SKAP1: variants seen among roughly 807,000 people sequenced by gnomAD.
The protein encoded by SKAP1 is src kinase-associated phosphoprotein 1.
In SKAP1, 44 loss-of-function variants were observed where a neutral mutation model predicts 58.5. That is an observed-to-expected ratio of 0.75 (90% CI 0.59 to 0.97). SKAP1 has a LOEUF of 0.97. Ranked by LOEUF, SKAP1 falls within the 50% of genes least tolerant of loss-of-function variation. SKAP1 has a pLI of 0.00. For missense variants in SKAP1, 390 were observed against 435.2 expected, an observed-to-expected ratio of 0.90 and a Z score of 0.92; for synonymous variants, 127 against 149.7, an observed-to-expected ratio of 0.85 and a Z score of 1.11.
chr17:48,372,700 G>A (rs187099313), intron 2 of SKAP1, among the ~76,000 whole-genome samples: 1 of 152,134 alleles, frequency 6.6e-6, no homozygotes, highest in African/African-American at 2.4e-5. Flanking sequence ...GAATGCAGTG[G>A]TGCAATCATA....
Position 48,290,625 on chromosome 17 carries a change from C to T in SKAP1, c.280+55280G>A, listed in dbSNP as rs1237796366. ...TTTATTTCTCACATAGTTTACATTA[C>T]ATCATGTCATTTCATTTATTGCCCC... On this transcript the variant is annotated intron_variant, in intron 4 of 12. Coordinates refer to ENST00000336915, the MANE Select transcript of SKAP1 (RefSeq NM_003726.4). 2.0e-5 allele frequency among the ~76,000 whole-genome samples: 3 copies of T among 147,518 alleles called. No homozygotes were observed. In the East Asian group the frequency reaches 5.8e-4, roughly 29 times the overall value.
intron 4 of SKAP1, among the ~76,000 whole-genome samples, chr17:48,253,010 A>G (rs35441072): frequency 0.028 from 4,231 of 152,208 alleles, 222 homozygotes; most frequent in African/African-American, 0.097. Context: ...CCACAGATTG[A>G]GTGACATCAT....
At chr17:48,141,063 A>C (rs1478231508) in intron 11 of SKAP1, among the ~76,000 whole-genome samples, 2 of 152,088 alleles carry the variant, frequency 1.3e-5, no homozygotes, top group Non-Finnish European at 2.9e-5. Flanking sequence ...CTGGGATTAC[A>C]GGTGTGAGCC....
intron 3 of SKAP1, among the ~76,000 whole-genome samples, chr17:48,352,960 T>C (rs2066821203): frequency 6.6e-6 from 1 of 152,186 alleles, no homozygotes; most frequent in African/African-American, 2.4e-5. Context: ...GTTGACTTTA[T>C]GGTATATACT....
At chr17:48,351,206 C>G (rs7224686) in intron 3 of SKAP1, among the ~76,000 whole-genome samples, 1 of 152,014 alleles carries the variant, frequency 6.6e-6, no homozygotes, top group Non-Finnish European at 1.5e-5. Context: ...ATTTGCTGCA[C>G]CAAAACTAAA....
rs568377784 is a variant in SKAP1 at position 48,270,909 on chromosome 17, T to C, written c.280+74996A>G. On this transcript the variant is annotated intron_variant, in intron 4 of 12. Transcript: ENST00000336915. ...GGAATTCAATTTTTGTACAAATGAATTTGGAAGTGCTTTTAAAGGTAGTGC... is the reference window on the plus strand; with the variant it reads ...GGAATTCAATTTTTGTACAAATGAACTTGGAAGTGCTTTTAAAGGTAGTGC... Among the ~76,000 whole-genome samples the C allele has an allele frequency of 3.4e-4, 51 of 151,104 alleles. 1 individual carries two copies. The South Asian group carries it at 0.011, about 32-fold the overall frequency.
chr17:48,290,458 G>C (rs890868187), intron 4 of SKAP1, among the ~76,000 whole-genome samples: 8 of 152,180 alleles, frequency 5.3e-5, no homozygotes, highest in African/African-American at 1.9e-4. Context: ...AATTTCACAA[G>C]ATCGATTAAG....
chr17:48,398,163 G>T (rs963494263), intron 1 of SKAP1, among the ~76,000 whole-genome samples: 9 of 152,184 alleles, frequency 5.9e-5, no homozygotes, highest in Admixed American at 3.9e-4. Flanking sequence ...GTGAGCAGCA[G>T]ATGAGCAAGT....
In SKAP1 at chr17:48,137,233, G is replaced by A. The variant is rs2063711646; in HGVS notation, c.*3C>T. ...CATTGGCCATGGTTCTGATACCTGG[G>A]TTTCATCTTTCTTCCACTTCAAAGG... On this transcript the variant is annotated 3_prime_UTR_variant, in exon 12 of 13. Coordinates refer to ENST00000336915, the MANE Select transcript of SKAP1 (RefSeq NM_003726.4). 6.2e-7 allele frequency: 1 copy of A among 1,607,198 alleles called. No homozygotes were observed. Among genetic ancestry groups the A allele is most frequent in the Non-Finnish European group, 8.5e-7 (1 of 1,173,896 alleles).
intron 1 of SKAP1, among the ~76,000 whole-genome samples, chr17:48,416,325 T>C (rs1160120177): frequency 1.3e-5 from 2 of 152,072 alleles, no homozygotes; most frequent in Admixed American, 1.3e-4. Flanking sequence ...CAGTTGGAGA[T>C]GGGACCCTGG....
At chr17:48,216,668 T>G (rs1332578362) in intron 4 of SKAP1, among the ~76,000 whole-genome samples, 1 of 152,050 alleles carries the variant, frequency 6.6e-6, no homozygotes, top group Non-Finnish European at 1.5e-5. Flanking sequence ...ATTTTTGTAT[T>G]TTTTGTAGAG....
intron 1 of SKAP1, among the ~76,000 whole-genome samples, chr17:48,413,543 T>TATATATATATATATATATATA (rs1567905650): frequency 4.2e-5 from 5 of 117,732 alleles, no homozygotes; most frequent in African/African-American, 1.4e-4. Flanking sequence ...TATATATATA[T>TATATATATATATATATATATA]TTGCTCTTCA....
At chr17:48,341,511 GT>G (rs1211926215) in intron 4 of SKAP1, among the ~76,000 whole-genome samples, 1 of 152,068 alleles carries the variant, frequency 6.6e-6, no homozygotes, top group African/African-American at 2.4e-5. Flanking sequence ...AAATAGCACT[GT>G]AAAAAAAGGG....
At chr17:48,348,897 T>C (rs1393474174) in intron 3 of SKAP1, among the ~76,000 whole-genome samples, 1 of 152,222 alleles carries the variant, frequency 6.6e-6, no homozygotes, top group Non-Finnish European at 1.5e-5. Flanking sequence ...GACATAGATA[T>C]ACAACTCAAT....
intron 4 of SKAP1, among the ~76,000 whole-genome samples, chr17:48,216,526 C>T (rs1011016261): frequency 7.3e-5 from 11 of 150,728 alleles, no homozygotes; most frequent in Non-Finnish European, 1.3e-4. Context: ...GGGTCTCACT[C>T]TGTTGCTCAG....
chr17:48,441,858 A>G, the SKAP1 span, among the ~76,000 whole-genome samples: 1 of 152,226 alleles, frequency 6.6e-6, no homozygotes, highest in Non-Finnish European at 1.5e-5. Context: ...TTTCCCAACT[A>G]TAAATGAGGA....
At chr17:48,141,592 GT>G (rs2063768437) in intron 11 of SKAP1, among the ~76,000 whole-genome samples, 1 of 151,904 alleles carries the variant, frequency 6.6e-6, no homozygotes, top group Non-Finnish European at 1.5e-5. Context: ...GGCCAGTCTG[GT>G]CTTGAACTCC....
At chr17:48,288,258 C>T (rs1413791191) in intron 4 of SKAP1, among the ~76,000 whole-genome samples, 1 of 152,132 alleles carries the variant, frequency 6.6e-6, no homozygotes, top group Non-Finnish European at 1.5e-5. Flanking sequence ...TCAATAATTT[C>T]CCCTTATTTT....
intron 4 of SKAP1, among the ~76,000 whole-genome samples, chr17:48,205,661 CA>C (rs1233310520): frequency 2.6e-4 from 39 of 152,156 alleles, no homozygotes; most frequent in African/African-American, 9.2e-4. Context: ...CCTTCTGAAT[CA>C]GGGGGGAGAA....
Sources: gnomAD v4.1 joint callset for allele counts (sites outside exome capture counted in the v4.1 genomes callset) on GRCh38, gnomAD v4.1.1 for gene constraint, MANE v1.5 for transcripts, NCBI Gene and HGNC (gene_info 2026-07-23, HGNC 2026-07-21) for gene names.